Variants in LRRTM4 observed in about 807,000 individuals in gnomAD.
The protein encoded by LRRTM4 is leucine rich repeat transmembrane neuronal 4.
A neutral mutation model predicts 47.6 loss-of-function variants in LRRTM4; 25 were observed. That is an observed-to-expected ratio of 0.53 (90% CI 0.38 to 0.73). LRRTM4 has a LOEUF of 0.73. Ranked by LOEUF, LRRTM4 falls within the 30% of genes least tolerant of loss-of-function variation. The probability of loss-of-function intolerance (pLI) is 0.00; values close to 1 mark genes in which losing one functional copy is unlikely to be tolerated. For synonymous variants in LRRTM4, 311 were observed against 269.5 expected, an observed-to-expected ratio of 1.15 and a Z score of -1.51; for missense variants, 638 against 713.4, an observed-to-expected ratio of 0.89 and a Z score of 1.20.
intron 3 of LRRTM4, among the ~76,000 whole-genome samples, chr2:76,990,570 CA>C (rs1197551814): frequency 6.6e-6 from 1 of 151,564 alleles, no homozygotes; most frequent in Non-Finnish European, 1.5e-5. Flanking sequence ...TACATAATGA[CA>C]AAGGGTTCAA....
chr2:77,409,694 C>G (rs1173000201), intron 3 of LRRTM4, among the ~76,000 whole-genome samples: 4 of 152,012 alleles, frequency 2.6e-5, no homozygotes, highest in Non-Finnish European at 4.4e-5. Context: ...GAAAATATAC[C>G]ATGACATTCA....
At position 77,040,029 on chromosome 2, in the gene LRRTM4, A is replaced by C. The variant is rs374349928; in HGVS notation, c.1552-291113T>G. On this transcript the variant is annotated intron_variant, in intron 3 of 3. Coordinates refer to ENST00000409884, the MANE Select transcript of LRRTM4 (RefSeq NM_001134745.3). ...TATTTGTTACATATTGGCTAAATCA[A>C]ATTATCTTGATGTATGTTGTAGCAT... 1.1e-4 allele frequency among the ~76,000 whole-genome samples: 17 copies of C among 151,324 alleles called. No homozygotes were observed. The East Asian group carries it at 2.5e-3, about 22-fold the overall frequency.
intron 3 of LRRTM4, among the ~76,000 whole-genome samples, chr2:77,143,025 A>G (rs1163485458): frequency 1.3e-5 from 2 of 152,206 alleles, no homozygotes; most frequent in Admixed American, 6.5e-5. Flanking sequence ...ATGAGACACA[A>G]AGATGAACAC....
At chr2:77,459,670 C>T (rs1676705274) in intron 3 of LRRTM4, among the ~76,000 whole-genome samples, 1 of 150,638 alleles carries the variant, frequency 6.6e-6, no homozygotes, top group Non-Finnish European at 1.5e-5. Flanking sequence ...TGTGAAATAA[C>T]TTTCAGTAAA....
At chr2:76,843,350 C>T (rs79185574) in intron 3 of LRRTM4, among the ~76,000 whole-genome samples, 5 of 152,042 alleles carry the variant, frequency 3.3e-5, no homozygotes, top group East Asian at 1.9e-4. Context: ...TCTAAAGATA[C>T]CCTTTTTTAA....
At chr2:76,781,064 G>T (rs1674356458) in intron 3 of LRRTM4, among the ~76,000 whole-genome samples, 1 of 148,924 alleles carries the variant, frequency 6.7e-6, no homozygotes, top group African/African-American at 2.4e-5. Context: ...CTCCCAGTTA[G>T]GCTGTTCTGG....
intron 3 of LRRTM4, among the ~76,000 whole-genome samples, chr2:77,509,041 G>A (rs1458497496): frequency 6.6e-6 from 1 of 151,958 alleles, no homozygotes; most frequent in Non-Finnish European, 1.5e-5. Context: ...AGACCAGCCT[G>A]GCCAACATGG....
At chr2:77,150,677 CA>C (rs1205393436) in intron 3 of LRRTM4, among the ~76,000 whole-genome samples, 2 of 152,078 alleles carry the variant, frequency 1.3e-5, no homozygotes, top group Non-Finnish European at 2.9e-5. Context: ...AAACTAAGCA[CA>C]ATGGTTGTCT....
chr2:76,953,898 G>A (rs1381155465), intron 3 of LRRTM4, among the ~76,000 whole-genome samples: 1 of 151,846 alleles, frequency 6.6e-6, no homozygotes, highest in Non-Finnish European at 1.5e-5. Context: ...AGTAGCTTAT[G>A]ACAGTATCAG....
At chr2:77,477,477 A>G (rs1413050714) in intron 3 of LRRTM4, among the ~76,000 whole-genome samples, 1 of 152,162 alleles carries the variant, frequency 6.6e-6, no homozygotes. Flanking sequence ...CTTTTAAAAG[A>G]AATTTTGCTG....
At chr2:76,973,661 T>C (rs1006619924) in intron 3 of LRRTM4, among the ~76,000 whole-genome samples, 2 of 151,968 alleles carry the variant, frequency 1.3e-5, no homozygotes, top group African/African-American at 4.8e-5. Context: ...ATTCTATCAG[T>C]GCTAATACAG....
intron 3 of LRRTM4, among the ~76,000 whole-genome samples, chr2:76,936,483 G>A (rs1674953132): frequency 6.6e-6 from 1 of 151,390 alleles, no homozygotes; most frequent in African/African-American, 2.4e-5. Flanking sequence ...AATATCTAAT[G>A]TAGATGACGG....
chr2:77,128,942 C>T lies in LRRTM4; in HGVS notation c.1552-380026G>A, dbSNP rs144521167. 9.6e-3 allele frequency among the ~76,000 whole-genome samples: 1,464 copies of T among 152,278 alleles called. 27 individuals are homozygous for T. The highest frequency in any genetic ancestry group is 0.032 in the African/African-American group (1,343 of 41,560). Reference sequence around the variant, plus strand: ...GGCATAAGCTACCACACCCCATCTACGCTGACATTTTTATATTTGAAAAGT... The same window carrying T: ...GGCATAAGCTACCACACCCCATCTATGCTGACATTTTTATATTTGAAAAGT... On this transcript the variant is annotated intron_variant, in intron 3 of 3. Coordinates refer to ENST00000409884, the MANE Select transcript of LRRTM4 (RefSeq NM_001134745.3).
chr2:77,352,056 G>A (rs1671802652), intron 3 of LRRTM4, among the ~76,000 whole-genome samples: 1 of 152,114 alleles, frequency 6.6e-6, no homozygotes, highest in African/African-American at 2.4e-5. Context: ...GCATAAAGAT[G>A]TCATAATCCG....
At chr2:77,372,409 G>A (rs1393719244) in intron 3 of LRRTM4, among the ~76,000 whole-genome samples, 1 of 151,610 alleles carries the variant, frequency 6.6e-6, no homozygotes, top group Non-Finnish European at 1.5e-5. Flanking sequence ...ATTTTGCTAG[G>A]TGGGAAGCAC....
At chr2:77,211,378 C>A (rs1202980424) in intron 3 of LRRTM4, among the ~76,000 whole-genome samples, 1 of 152,164 alleles carries the variant, frequency 6.6e-6, no homozygotes, top group East Asian at 1.9e-4. Context: ...CTCCTAATCA[C>A]AGCCTCCTGC....
intron 3 of LRRTM4, among the ~76,000 whole-genome samples, chr2:77,202,159 C>T (rs1027360509): frequency 3.0e-4 from 45 of 152,062 alleles, no homozygotes; most frequent in African/African-American, 9.6e-4. Context: ...ATAAAAGTGG[C>T]CCCAGATATT....
chr2:76,878,068 C>A (rs897940615), intron 3 of LRRTM4, among the ~76,000 whole-genome samples: 7 of 152,070 alleles, frequency 4.6e-5, no homozygotes, highest in African/African-American at 1.4e-4. Flanking sequence ...CGTATGTTCA[C>A]TTCATGTCTC....
intron 3 of LRRTM4, among the ~76,000 whole-genome samples, chr2:77,304,118 T>G (rs1458674364): frequency 6.6e-6 from 1 of 152,194 alleles, no homozygotes; most frequent in Non-Finnish European, 1.5e-5. Context: ...CATGTTACTT[T>G]TTGTCTTTTG....
Sources: gnomAD v4.1 joint callset for allele counts (sites outside exome capture counted in the v4.1 genomes callset) on GRCh38, gnomAD v4.1.1 for gene constraint, MANE v1.5 for transcripts, NCBI Gene and HGNC (gene_info 2026-07-23, HGNC 2026-07-21) for gene names.